RBFOX1: variants seen among roughly 807,000 people sequenced by gnomAD.
RBFOX1 encodes RNA binding protein fox-1 homolog 1.
RBFOX1 carries 8 observed loss-of-function variants against 57.7 expected under a neutral mutation model. The observed-to-expected ratio is 0.14, with a 90% CI of 0.08 to 0.25. The LOEUF (loss-of-function observed/expected upper bound fraction) is 0.25. Among genes scored for constraint, RBFOX1 ranks in the 10% least tolerant of loss-of-function variants. The pLI, the probability that RBFOX1 is intolerant of heterozygous loss-of-function variation, is 1.00. For synonymous variants in RBFOX1, 326 were observed against 222.4 expected (o/e 1.47, Z -4.15); for missense variants, 611 against 548.5 (o/e 1.11, Z -1.14).
intron 2 of RBFOX1, among the ~76,000 whole-genome samples, chr16:5,558,043 C>A (rs994396395): frequency 6.6e-6 from 1 of 152,140 alleles, no homozygotes; most frequent in Non-Finnish European, 1.5e-5. Flanking sequence ...GGACTGCCTT[C>A]CCACTCTATC....
At chr16:6,839,910 A>G (rs140850137) in intron 3 of RBFOX1, among the ~76,000 whole-genome samples, 16 of 152,282 alleles carry the variant, frequency 1.1e-4, no homozygotes, top group African/African-American at 2.9e-4. Flanking sequence ...TTAACTTTCA[A>G]TTGCATTATT....
At chr16:7,130,605 G>A (rs1340462673) in intron 4 of RBFOX1, among the ~76,000 whole-genome samples, 1 of 152,166 alleles carries the variant, frequency 6.6e-6, no homozygotes, top group African/African-American at 2.4e-5. Flanking sequence ...ATAAGCATAT[G>A]TAGGGTCTGC....
chr16:5,849,504 A>G (rs906409919), intron 3 of RBFOX1, among the ~76,000 whole-genome samples: 1 of 152,116 alleles, frequency 6.6e-6, no homozygotes, highest in Admixed American at 6.5e-5. Context: ...CTGGATACCC[A>G]GTATCCACTC....
chr16:7,069,937 C>G (rs769773963), intron 4 of RBFOX1, among the ~76,000 whole-genome samples: 1 of 152,184 alleles, frequency 6.6e-6, no homozygotes, highest in Non-Finnish European at 1.5e-5. Flanking sequence ...ATAGTACATT[C>G]GCCATAATGA....
chr16:7,584,557 C>T (rs567278475), intron 6 of RBFOX1, among the ~76,000 whole-genome samples: 1 of 152,312 alleles, frequency 6.6e-6, no homozygotes, highest in East Asian at 1.9e-4. Flanking sequence ...TCCCACAGTG[C>T]TGGGATTACA....
chr16:5,250,865 C>T (rs369004587), intron 1 of RBFOX1, among the ~76,000 whole-genome samples: 1 of 152,180 alleles, frequency 6.6e-6, no homozygotes, highest in East Asian at 1.9e-4. Context: ...TGCTCTGTGC[C>T]TGCATTTCTG....
intron 4 of RBFOX1, among the ~76,000 whole-genome samples, chr16:7,263,892 C>G (rs1296203250): frequency 7.0e-6 from 1 of 143,262 alleles, no homozygotes; most frequent in Non-Finnish European, 1.5e-5. Flanking sequence ...AAGAGCAAAA[C>G]TCAGTCTCAA....
intron 2 of RBFOX1, among the ~76,000 whole-genome samples, chr16:5,585,404 A>G (rs1230921688): frequency 2.0e-5 from 3 of 152,166 alleles, no homozygotes; most frequent in Admixed American, 1.3e-4. Flanking sequence ...TGATCTGTTC[A>G]TCCAGTGATG....
chr16:5,517,962 G>GTC, intron 2 of RBFOX1, among the ~76,000 whole-genome samples: 1 of 151,724 alleles, frequency 6.6e-6, no homozygotes, highest in Non-Finnish European at 1.5e-5. Context: ...GTGTGTGTGT[G>GTC]TAGTGGCTTT....
intron 3 of RBFOX1, among the ~76,000 whole-genome samples, chr16:6,991,763 C>T (rs2091496855): frequency 6.6e-6 from 1 of 152,006 alleles, no homozygotes; most frequent in Non-Finnish European, 1.5e-5. Context: ...TCTTGAACTC[C>T]TGAGCCCAAG....
At chr16:7,372,487 C>A (rs2097585671) in intron 4 of RBFOX1, among the ~76,000 whole-genome samples, 1 of 152,048 alleles carries the variant, frequency 6.6e-6, no homozygotes, top group Admixed American at 6.6e-5. Flanking sequence ...AGCCTGTGGC[C>A]ATGTACAGAA....
At chr16:6,395,989 C>G (rs754738650) in intron 2 of RBFOX1, among the ~76,000 whole-genome samples, 1 of 142,774 alleles carries the variant, frequency 7.0e-6, no homozygotes, top group South Asian at 2.3e-4. Context: ...TTACTTGAAT[C>G]CGGGAGGTGG....
intron 13 of RBFOX1, among the ~76,000 whole-genome samples, chr16:7,675,393 C>T (rs1017677873): frequency 1.3e-5 from 2 of 149,510 alleles, no homozygotes; most frequent in African/African-American, 5.1e-5. Flanking sequence ...ACTTCCATTA[C>T]CTCTTTAAGG....
chr16:7,121,283 A>G (rs894864092), intron 4 of RBFOX1, among the ~76,000 whole-genome samples: 26 of 152,122 alleles, frequency 1.7e-4, no homozygotes, highest in African/African-American at 5.8e-4. Flanking sequence ...GAAGAAAAAG[A>G]ATTATAGAGC....
At chr16:6,649,769 G>C (rs76776067) in intron 2 of RBFOX1, among the ~76,000 whole-genome samples, 1 of 152,104 alleles carries the variant, frequency 6.6e-6, no homozygotes, top group Non-Finnish European at 1.5e-5. Flanking sequence ...GTATATATAA[G>C]ATGTAGTATT....
intron 2 of RBFOX1, among the ~76,000 whole-genome samples, chr16:6,436,633 T>C (rs112335838): frequency 8.5e-4 from 129 of 151,810 alleles, no homozygotes; most frequent in African/African-American, 2.9e-3. Flanking sequence ...CAACACTTAC[T>C]GTCTTTATAA....
chr16:5,358,954 C>G (rs1053959306), intron 1 of RBFOX1, among the ~76,000 whole-genome samples: 2 of 152,228 alleles, frequency 1.3e-5, no homozygotes, highest in African/African-American at 4.8e-5. Context: ...ACCTCTCCCT[C>G]CACCCTCCAT....
intron 3 of RBFOX1, among the ~76,000 whole-genome samples, chr16:6,680,670 A>G (rs1379229766): frequency 6.6e-6 from 1 of 152,142 alleles, no homozygotes; most frequent in Non-Finnish European, 1.5e-5. Context: ...TCCACTATCA[A>G]AGTTTACCGC....
chr16:7,608,659 G>T (rs975239840), intron 10 of RBFOX1, among the ~76,000 whole-genome samples: 1 of 152,140 alleles, frequency 6.6e-6, no homozygotes, highest in East Asian at 1.9e-4. Flanking sequence ...CACCAGCAGT[G>T]TGACTCTGGG....
Sources: gnomAD v4.1 joint callset for allele counts (sites outside exome capture counted in the v4.1 genomes callset) on GRCh38, gnomAD v4.1.1 for gene constraint, MANE v1.5 for transcripts, NCBI Gene and HGNC (gene_info 2026-07-23, HGNC 2026-07-21) for gene names.